CDKAL1: variants seen among roughly 807,000 people sequenced by gnomAD.
CDKAL1 encodes CDKAL1 threonylcarbamoyladenosine tRNA methylthiotransferase.
Under a neutral mutation model 68.2 loss-of-function variants are expected in CDKAL1, and 32 were observed. That is an observed-to-expected ratio of 0.47 (90% CI 0.35 to 0.63). CDKAL1 has a LOEUF of 0.63. CDKAL1 is among the 30% of genes least tolerant of loss of function. CDKAL1 has a pLI of 0.00. For missense variants in CDKAL1, 606 were observed against 696.7 expected, an observed-to-expected ratio of 0.87 and a Z score of 1.47; for synonymous variants, 234 against 244.3, an observed-to-expected ratio of 0.96 and a Z score of 0.39.
At chr6:21,030,939 CTG>C (rs1769250804) in intron 11 of CDKAL1, among the ~76,000 whole-genome samples, 1 of 152,090 alleles carries the variant, frequency 6.6e-6, no homozygotes, top group African/African-American at 2.4e-5. Flanking sequence ...ATTTCAAACT[CTG>C]TATTTGTTTT....
At chr6:20,784,093 A>T (rs917533844) in intron 8 of CDKAL1, among the ~76,000 whole-genome samples, 5 of 151,814 alleles carry the variant, frequency 3.3e-5, no homozygotes, top group African/African-American at 1.2e-4. Flanking sequence ...CGTGCCTGTA[A>T]TCCTAGCTAC....
At chr6:20,762,142 T>C (rs114181028) in intron 7 of CDKAL1, among the ~76,000 whole-genome samples, 2,258 of 152,310 alleles carry the variant, frequency 0.015, 43 homozygotes, top group African/African-American at 0.051. Flanking sequence ...GTTTGCCAAA[T>C]GGCCTGGAGA....
chr6:21,205,707 A>G (rs1313210957), intron 15 of CDKAL1, among the ~76,000 whole-genome samples: 1 of 137,828 alleles, frequency 7.3e-6, no homozygotes, highest in Admixed American at 7.4e-5. Flanking sequence ...ATTGTTTTGT[A>G]TTTTTAGTAG....
intron 12 of CDKAL1, among the ~76,000 whole-genome samples, chr6:21,073,462 G>A (rs1771903193): frequency 6.6e-6 from 1 of 152,216 alleles, no homozygotes; most frequent in Non-Finnish European, 1.5e-5. Context: ...AGCAATGAAT[G>A]AGAGTTCCTT....
intron 9 of CDKAL1, among the ~76,000 whole-genome samples, chr6:20,847,733 T>C (rs1020675542): frequency 6.6e-6 from 1 of 152,202 alleles, no homozygotes; most frequent in Admixed American, 6.5e-5. Context: ...ATGAATTATA[T>C]GTGACTTGAG....
intron 5 of CDKAL1, among the ~76,000 whole-genome samples, chr6:20,649,578 T>G (rs1768652941): frequency 6.6e-6 from 1 of 152,172 alleles, no homozygotes; most frequent in Non-Finnish European, 1.5e-5. Context: ...TTAAATTTAC[T>G]TTAAGTTCTG....
intron 4 of CDKAL1, among the ~76,000 whole-genome samples, chr6:20,574,085 G>A (rs1581748713): frequency 2.6e-5 from 4 of 152,200 alleles, no homozygotes; most frequent in East Asian, 1.9e-4. Context: ...GAACATATTC[G>A]TTATTATTCT....
chr6:20,904,868 C>G (rs1392753752), intron 9 of CDKAL1, among the ~76,000 whole-genome samples: 1 of 151,992 alleles, frequency 6.6e-6, no homozygotes, highest in South Asian at 2.1e-4. Flanking sequence ...GTGAGAGGAC[C>G]TTAAGTTTAC....
rs545943097 is a variant in CDKAL1, at chr6:21,198,169, A to G, written c.1383+65A>G. On this transcript the variant is annotated intron_variant, in intron 14 of 15. Coordinates refer to ENST00000274695, the MANE Select transcript of CDKAL1 (RefSeq NM_017774.3). ...GAGAAAGAGTTCTGAAAGTTTAAGC[A>G]AAGGGCATTTAAAGGGGAGAGTGTT... 1.8e-5 allele frequency: 20 copies of G among 1,123,428 alleles called. 1 individual carries two copies. The Middle Eastern group carries it at 8.0e-4, about 45-fold the overall frequency. The allele number at this position is 1,123,428 out of a possible 1,614,324, so 69.6% of individuals were successfully genotyped here.
intron 8 of CDKAL1, among the ~76,000 whole-genome samples, chr6:20,791,308 T>G (rs12665631): frequency 0.4 from 60,352 of 151,718 alleles, 12,212 homozygotes; most frequent in East Asian, 0.53. Flanking sequence ...ATAGTATTAT[T>G]AACTTTATTA....
At chr6:21,189,349 A>C (rs989286305) in intron 13 of CDKAL1, among the ~76,000 whole-genome samples, 2 of 152,236 alleles carry the variant, frequency 1.3e-5, no homozygotes, top group South Asian at 2.1e-4. Context: ...TAAGATACTC[A>C]TGGCAATTAA....
At chr6:20,788,861 T>C (rs1334044669) in intron 8 of CDKAL1, among the ~76,000 whole-genome samples, 2 of 152,206 alleles carry the variant, frequency 1.3e-5, no homozygotes, top group Non-Finnish European at 2.9e-5. Context: ...CTGTTCAGTT[T>C]TAAGTGAATG....
intron 8 of CDKAL1, among the ~76,000 whole-genome samples, chr6:20,785,564 G>A (rs571052565): frequency 6.6e-6 from 1 of 152,140 alleles, no homozygotes; most frequent in African/African-American, 2.4e-5. Flanking sequence ...ACCCACCTCA[G>A]CCTCCCAAAT....
intron 8 of CDKAL1, among the ~76,000 whole-genome samples, chr6:20,792,538 G>A (rs924124048): frequency 3.3e-5 from 5 of 152,100 alleles, no homozygotes; most frequent in African/African-American, 1.2e-4. Flanking sequence ...TTTCTGAAAT[G>A]GAATTTTTAG....
At chr6:20,552,894 G>A (rs187743476) in intron 4 of CDKAL1, among the ~76,000 whole-genome samples, 1 of 152,182 alleles carries the variant, frequency 6.6e-6, no homozygotes, top group African/African-American at 2.4e-5. Context: ...ATGACTTCTG[G>A]ATTACCTATG....
intron 13 of CDKAL1, chr6:21,135,816 G>A: frequency 4.6e-6 from 2 of 430,398 alleles, no homozygotes; most frequent in Non-Finnish European, 6.2e-6. Flanking sequence ...TTGGAGAACG[G>A]GTGCCATCCA....
intron 10 of CDKAL1, among the ~76,000 whole-genome samples, chr6:20,977,269 TTTTA>T (rs1765886498): frequency 6.6e-6 from 1 of 152,156 alleles, no homozygotes. Flanking sequence ...AATATAAAGA[TTTTA>T]TTTATGTTAG....
At chr6:20,959,532 GAT>G (rs1228551830) in intron 10 of CDKAL1, among the ~76,000 whole-genome samples, 3 of 150,512 alleles carry the variant, frequency 2.0e-5, no homozygotes, top group African/African-American at 7.3e-5. Flanking sequence ...GTGCCCTAAT[GAT>G]ATCTCCTCTA....
In CDKAL1 at chr6:21,231,649, G is replaced by C. The variant is rs942146718; in HGVS notation, c.*610G>C. 1 of 152,068 alleles carries C rather than the reference G, an allele frequency of 6.6e-6. No individual in the cohort carries two copies. The highest frequency in any genetic ancestry group is 1.5e-5 in the Non-Finnish European group (1 of 68,048). 9.4% of individuals were successfully genotyped at this position (152,068 alleles called of 1,614,324 possible). The stretch of plus-strand genomic sequence containing the variant: ...TCACCATGTTGGCCAGGCTAGTCTC[G>C]AACTCCTGACCTCAAGTGATCCGCC... On this transcript the variant is annotated 3_prime_UTR_variant, in exon 16 of 16. Coordinates refer to ENST00000274695, the MANE Select transcript of CDKAL1 (RefSeq NM_017774.3).
Sources: allele counts gnomAD v4.1 joint callset (sites outside exome capture counted in the v4.1 genomes callset), GRCh38; gene constraint gnomAD v4.1.1; transcripts MANE v1.5; gene names NCBI Gene and HGNC (gene_info 2026-07-23, HGNC 2026-07-21).